Variants in ADAMTSL3 observed in about 807,000 individuals in gnomAD.
The protein encoded by ADAMTSL3 is ADAMTS-like protein 3.
Under a neutral mutation model 201.7 loss-of-function variants are expected in ADAMTSL3, and 128 were observed. The observed-to-expected ratio is 0.63, with a 90% CI of 0.55 to 0.73. The LOEUF is 0.73. ADAMTSL3 is among the 30% of genes least tolerant of loss of function. The probability of loss-of-function intolerance (pLI) is 0.00; values close to 1 mark genes in which losing one functional copy is unlikely to be tolerated. For missense variants in ADAMTSL3, 1,990 were observed against 2,119.6 expected (o/e 0.94, Z 1.20); for synonymous variants, 738 against 748.4 (o/e 0.99, Z 0.23).
intron 10 of ADAMTSL3, among the ~76,000 whole-genome samples, chr15:83,886,063 G>A (rs1352938743): frequency 6.6e-6 from 1 of 152,176 alleles, no homozygotes; most frequent in Non-Finnish European, 1.5e-5. Context: ...AAGGTTTGGG[G>A]ACAAGTGTAA....
At chr15:83,785,503 C>G (rs2063246787) in intron 4 of ADAMTSL3, among the ~76,000 whole-genome samples, 1 of 152,028 alleles carries the variant, frequency 6.6e-6, no homozygotes, top group Non-Finnish European at 1.5e-5. Flanking sequence ...TGTAGATAAC[C>G]TATTTTTTAG....
intron 3 of ADAMTSL3, among the ~76,000 whole-genome samples, chr15:83,754,384 C>T (rs973054998): frequency 7.2e-5 from 11 of 152,100 alleles, no homozygotes; most frequent in African/African-American, 2.7e-4. Context: ...AGACAGGCTT[C>T]TTGGCAAGCG....
intron 19 of ADAMTSL3, among the ~76,000 whole-genome samples, chr15:83,959,353 C>T (rs1298654708): frequency 2.6e-5 from 4 of 152,126 alleles, no homozygotes; most frequent in Non-Finnish European, 4.4e-5. Flanking sequence ...CACTTGAACC[C>T]AGGAGGCAGA....
At chr15:83,686,355 CAGAAAT>C (rs916011746) in intron 2 of ADAMTSL3, among the ~76,000 whole-genome samples, 3 of 152,120 alleles carry the variant, frequency 2.0e-5, no homozygotes, top group Non-Finnish European at 2.9e-5. Flanking sequence ...ATCCAAGTGT[CAGAAAT>C]AGATATAGTC....
intron 4 of ADAMTSL3, among the ~76,000 whole-genome samples, chr15:83,781,215 T>G (rs2063163059): frequency 6.6e-6 from 1 of 152,212 alleles, no homozygotes; most frequent in Non-Finnish European, 1.5e-5. Context: ...ACAGCTATAC[T>G]TCAGGGCTAC....
chr15:83,726,489 C>T (rs1336962837), intron 3 of ADAMTSL3, among the ~76,000 whole-genome samples: 1 of 152,098 alleles, frequency 6.6e-6, no homozygotes, highest in Non-Finnish European at 1.5e-5. Context: ...AGAGGAAAGG[C>T]TTGCAATTTT....
At chr15:83,887,337 A>C (rs1460141247) in intron 10 of ADAMTSL3, among the ~76,000 whole-genome samples, 1 of 152,244 alleles carries the variant, frequency 6.6e-6, no homozygotes, top group Non-Finnish European at 1.5e-5. Context: ...TAAACATATT[A>C]ACAAAAAGAA....
At chr15:83,853,237 A>G (rs1244926425) in intron 7 of ADAMTSL3, among the ~76,000 whole-genome samples, 1 of 152,030 alleles carries the variant, frequency 6.6e-6, no homozygotes, top group Non-Finnish European at 1.5e-5. Flanking sequence ...TTCTTCCATT[A>G]TTTTTCTAAA....
chr15:83,808,150 T>C (rs1567158563), intron 5 of ADAMTSL3, among the ~76,000 whole-genome samples: 1 of 152,064 alleles, frequency 6.6e-6, no homozygotes, highest in East Asian at 1.9e-4. Flanking sequence ...TATATTAAAC[T>C]ACAAAGCTTA....
At position 83,970,550 on chromosome 15, in the gene ADAMTSL3, G is replaced by A; in HGVS notation, c.2557G>A (p.Gly853Ser). 1 of 1,614,216 alleles carries A rather than the reference G, an allele frequency of 6.2e-7. No homozygotes were observed. Among genetic ancestry groups the A allele is most frequent in the Non-Finnish European group, 8.5e-7 (1 of 1,180,044 alleles). Residue 853 changes from glycine to serine, a missense_variant, in exon 20 of 30, where the codon GGT becomes AGT. Transcript: ENST00000286744. ...KQVCQRLAAKGRRIPLSEMMC... is the reference protein window; with the variant it reads ...KQVCQRLAAKSRRIPLSEMMC... ...GGTGTGTCAAAGGCTGGCAGCCAAA[G>A]GTCGGCGCATCCCCCTCAGTGAGAT...
At chr15:83,917,191 T>C (rs1050996997) in intron 16 of ADAMTSL3, among the ~76,000 whole-genome samples, 2 of 152,228 alleles carry the variant, frequency 1.3e-5, no homozygotes, top group African/African-American at 4.8e-5. Context: ...AAATTACAAG[T>C]TTCTGAAAAG....
At chr15:83,860,552 A>G (rs1451437525) in intron 8 of ADAMTSL3, among the ~76,000 whole-genome samples, 2 of 152,260 alleles carry the variant, frequency 1.3e-5, no homozygotes, top group African/African-American at 4.8e-5. Flanking sequence ...AAAAAACAAA[A>G]AAATGCAATG....
intron 2 of ADAMTSL3, among the ~76,000 whole-genome samples, chr15:83,694,873 C>T (rs192668546): frequency 2.2e-4 from 34 of 152,278 alleles, no homozygotes; most frequent in Middle Eastern, 3.4e-3. Context: ...CACTAAAGAA[C>T]GTTCAGATAT....
chr15:83,800,285 C>T (rs2063496948), intron 4 of ADAMTSL3, among the ~76,000 whole-genome samples: 1 of 152,120 alleles, frequency 6.6e-6, no homozygotes, highest in Non-Finnish European at 1.5e-5. Flanking sequence ...ACATAAAATG[C>T]TCTCTTTTTC....
intron 4 of ADAMTSL3, among the ~76,000 whole-genome samples, chr15:83,803,254 C>T (rs979071129): frequency 6.6e-6 from 1 of 152,148 alleles, no homozygotes; most frequent in Non-Finnish European, 1.5e-5. Context: ...TTTCCACTTA[C>T]TCCTTTTGTA....
intron 19 of ADAMTSL3, among the ~76,000 whole-genome samples, chr15:83,944,810 T>C (rs894082179): frequency 6.6e-6 from 1 of 152,186 alleles, no homozygotes; most frequent in African/African-American, 2.4e-5. Context: ...TGAGCTTCCG[T>C]TTACTTTCGC....
chr15:84,021,642 T>A (rs777514683), intron 26 of ADAMTSL3, 49 bp downstream of exon 26: 15 of 1,589,970 alleles, frequency 9.4e-6, no homozygotes, highest in African/African-American at 2.7e-5. Flanking sequence ...TTTTTGTTTG[T>A]TTTGAAAGGT....
chr15:83,754,470 T>C (rs1278515506), intron 3 of ADAMTSL3, among the ~76,000 whole-genome samples: 1 of 152,176 alleles, frequency 6.6e-6, no homozygotes, highest in Non-Finnish European at 1.5e-5. Context: ...CCAGGTTGGA[T>C]TGATTTATTT....
In ADAMTSL3 at chr15:83,887,225, C is replaced by G. The variant is rs2065412119; in HGVS notation, c.1072+2013C>G. On this transcript the variant is annotated intron_variant, in intron 10 of 29. Transcript: ENST00000286744. Reference sequence around the variant, plus strand: ...TTAAGCCAGTGTCTTTGGATAGCAGCTGGAGCCATATTGCCATCACTATTT... The same window carrying G: ...TTAAGCCAGTGTCTTTGGATAGCAGGTGGAGCCATATTGCCATCACTATTT... Among the ~76,000 whole-genome samples, 5 of 152,196 alleles carry G rather than the reference C, an allele frequency of 3.3e-5. No individual in the cohort carries two copies. In the South Asian group the frequency reaches 8.3e-4, roughly 25 times the overall value.
Sources: gnomAD v4.1 joint callset for allele counts (sites outside exome capture counted in the v4.1 genomes callset) on GRCh38, gnomAD v4.1.1 for gene constraint, MANE v1.5 for transcripts, NCBI Gene and HGNC (gene_info 2026-07-23, HGNC 2026-07-21) for gene names.